The following ME3 variants were observed in gnomAD, a reference collection of about 807,000 sequenced individuals.
The protein encoded by ME3 is malic enzyme 3, also known as NADP-dependent malic enzyme, mitochondrial.
ME3 carries 48 observed loss-of-function variants against 68.9 expected under a neutral mutation model. The ratio of observed to expected loss-of-function variants is 0.70; its 90% confidence interval spans 0.55 to 0.89. The LOEUF (loss-of-function observed/expected upper bound fraction) is 0.89. Ranked by LOEUF, ME3 falls within the 40% of genes least tolerant of loss-of-function variation. ME3 has a pLI of 0.00. For missense variants in ME3, 675 were observed against 797.4 expected, an observed-to-expected ratio of 0.85 and a Z score of 1.85; for synonymous variants, 320 against 318.8, an observed-to-expected ratio of 1.00 and a Z score of -0.04.
intron 4 of ME3, among the ~76,000 whole-genome samples, chr11:86,546,237 T>C (rs1555229578): frequency 6.6e-6 from 1 of 152,150 alleles, no homozygotes; most frequent in Non-Finnish European, 1.5e-5. Flanking sequence ...AGCAATACCA[T>C]TCAGGACACA....
chr11:86,527,179 T>G (rs918946722), intron 4 of ME3, among the ~76,000 whole-genome samples: 8 of 152,172 alleles, frequency 5.3e-5, no homozygotes, highest in Admixed American at 1.3e-4. Flanking sequence ...AAGGACCTGA[T>G]GGAGCTGAAA....
At chr11:86,442,943 A>G in intron 13 of ME3, 24 bp from the exon 14 acceptor site, 1 of 1,579,148 alleles carries the variant, frequency 6.3e-7, no homozygotes, top group East Asian at 2.2e-5. Context: ...GAGAACCGAG[A>G]GGAATAAGCT....
At chr11:86,607,433 C>A (rs1404524988) in intron 2 of ME3, among the ~76,000 whole-genome samples, 6 of 147,270 alleles carry the variant, frequency 4.1e-5, no homozygotes, top group Non-Finnish European at 8.9e-5. Context: ...CATATACATA[C>A]AATGAGTTGA....
intron 8 of ME3, among the ~76,000 whole-genome samples, chr11:86,463,882 TC>T (rs1415933516): frequency 6.6e-6 from 1 of 152,228 alleles, no homozygotes; most frequent in Admixed American, 6.5e-5. Flanking sequence ...AAATCTCAAC[TC>T]TATGCTTAAT....
chr11:86,575,997 T>C (rs1217668857), intron 2 of ME3, among the ~76,000 whole-genome samples: 1 of 152,214 alleles, frequency 6.6e-6, no homozygotes, highest in Non-Finnish European at 1.5e-5. Flanking sequence ...AGTTTTGTGA[T>C]GTTGAGCATA....
At chr11:86,504,045 C>T (rs1277082313) in intron 5 of ME3, among the ~76,000 whole-genome samples, 1 of 152,246 alleles carries the variant, frequency 6.6e-6, no homozygotes, top group Non-Finnish European at 1.5e-5. Flanking sequence ...GTGGTCTCCC[C>T]AGCCCTGGGC....
chr11:86,523,525 G>A (rs2139203226), intron 4 of ME3, among the ~76,000 whole-genome samples: 1 of 151,980 alleles, frequency 6.6e-6, no homozygotes, highest in South Asian at 2.1e-4. Context: ...TTTTCTTCCT[G>A]GAATTTGCAA....
chr11:86,560,485 A>G (rs1313736814), intron 2 of ME3, among the ~76,000 whole-genome samples: 1 of 152,006 alleles, frequency 6.6e-6, no homozygotes, highest in Non-Finnish European at 1.5e-5. Context: ...GGACTAATAC[A>G]AACAGTATTT....
chr11:86,566,870 G>A lies in ME3; in HGVS notation c.184-7047C>T, dbSNP rs117347924. 7.7e-3 allele frequency among the ~76,000 whole-genome samples: 1,165 copies of A among 152,212 alleles called. 5 individuals carry two copies. The highest frequency in any genetic ancestry group is 0.012 in the Non-Finnish European group (827 of 68,004). On this transcript the variant is annotated intron_variant, in intron 2 of 14. Transcript: ENST00000543262. ...ATCCTCCCAGGACGTTGGTGAGACG[G>A]ACCTCAGAAAATGTGGTGGGGTGTC...
At chr11:86,656,856 T>TG (rs1565284694) in intron 2 of ME3, among the ~76,000 whole-genome samples, 1 of 150,450 alleles carries the variant, frequency 6.6e-6, no homozygotes, top group Non-Finnish European at 1.5e-5. Flanking sequence ...GATAAACATA[T>TG]GAAAAAAAAA....
chr11:86,557,651 C>G (rs1350478), intron 3 of ME3, among the ~76,000 whole-genome samples: 95,890 of 151,418 alleles, frequency 0.63, 30,987 homozygotes, highest in Non-Finnish European at 0.7. Flanking sequence ...AAAGGAATTA[C>G]TCCTTTGGTG....
At chr11:86,506,265 G>T (rs1018251241) in intron 5 of ME3, among the ~76,000 whole-genome samples, 1 of 152,082 alleles carries the variant, frequency 6.6e-6, no homozygotes, top group Non-Finnish European at 1.5e-5. Context: ...AAATCACAGC[G>T]GTTGTGGTCT....
intron 6 of ME3, among the ~76,000 whole-genome samples, chr11:86,497,169 A>G (rs1437809651): frequency 1.3e-5 from 2 of 152,138 alleles, no homozygotes; most frequent in African/African-American, 4.8e-5. Flanking sequence ...TTTTTAGTAC[A>G]GATGGGATTT....
At chr11:86,460,173 G>A (rs757779004) in intron 8 of ME3, among the ~76,000 whole-genome samples, 1 of 152,226 alleles carries the variant, frequency 6.6e-6, no homozygotes, top group African/African-American at 2.4e-5. Flanking sequence ...CAAAATTCCT[G>A]AGAGGCTGCC....
intron 2 of ME3, among the ~76,000 whole-genome samples, chr11:86,574,495 G>T (rs1299671114): frequency 6.6e-6 from 1 of 151,050 alleles, no homozygotes; most frequent in Non-Finnish European, 1.5e-5. Flanking sequence ...CCCCTCTTCT[G>T]CAGGTCTACT....
chr11:86,633,360 C>G lies in ME3; in HGVS notation c.183+38402G>C, dbSNP rs113796916. ...CTATTATTAACCCTATTTTGTAGAT[C>G]AGGAAACTGAGCACAACATGCTTAC... On this transcript the variant is annotated intron_variant, in intron 2 of 14. Coordinates refer to ENST00000543262, the Ensembl canonical transcript of ME3. Among the ~76,000 whole-genome samples, 265 of 152,288 alleles carry G rather than the reference C, an allele frequency of 1.7e-3. 1 individual carries two copies. Among genetic ancestry groups the G allele is most frequent in the Middle Eastern group, 0.014 (4 of 294 alleles).
Position 86,442,869 on chromosome 11 carries a change from G to T in ME3, c.1605C>A (p.Tyr535Ter), listed in dbSNP as rs7548. The T allele has an allele frequency of 8.1e-6, 13 of 1,612,982 alleles. No homozygotes were observed. Among genetic ancestry groups the T allele is most frequent in the Non-Finnish European group, 1.1e-5 (13 of 1,179,342 alleles). ...CGTCTCGGATGGTGCTGAGTGGTGG[G>T]TAGAGTCTCCCCTGGGACAGATGCT... The change falls in exon 14 of 15, where the codon TAC becomes TAA. Residue 535 changes from tyrosine (Y) to a stop codon, truncating the protein, a stop_gained. Coordinates refer to ENST00000543262, the Ensembl canonical transcript of ME3. LOFTEE classifies it high-confidence loss of function.
intron 2 of ME3, among the ~76,000 whole-genome samples, chr11:86,577,528 G>C (rs1049686319): frequency 6.6e-6 from 1 of 152,176 alleles, no homozygotes; most frequent in African/African-American, 2.4e-5. Context: ...TCCTCACACA[G>C]CTCCTAAAAC....
At chr11:86,448,201 C>T in exon 11 of ME3, 1 of 1,614,162 alleles carries the variant, frequency 6.2e-7, no homozygotes, top group Non-Finnish European at 8.5e-7. Flanking sequence ...AGGGAGTTGA[C>T]TTCAGGATGG....
Sources: allele counts gnomAD v4.1 joint callset (sites outside exome capture counted in the v4.1 genomes callset), GRCh38; gene constraint gnomAD v4.1.1; transcripts MANE v1.5; gene names NCBI Gene and HGNC (gene_info 2026-07-23, HGNC 2026-07-21).